Variants in IPO5 observed in about 807,000 individuals in gnomAD.
IPO5 encodes importin-5.
A neutral mutation model predicts 143.3 loss-of-function variants in IPO5; 18 were observed. The observed-to-expected ratio is 0.13, with a 90% confidence interval of 0.09 to 0.19. IPO5 has a LOEUF of 0.19. IPO5 is among the 10% of genes least tolerant of loss of function. The probability of loss-of-function intolerance (pLI) is 1.00; values close to 1 mark genes in which losing one functional copy is unlikely to be tolerated. For synonymous variants in IPO5, 477 were observed against 465.7 expected (o/e 1.02, Z -0.31); for missense variants, 1,013 against 1,336.9 (o/e 0.76, Z 3.78).
intron 13 of IPO5, among the ~76,000 whole-genome samples, chr13:98,001,259 GTTTTA>G (rs1436252741): frequency 6.6e-6 from 1 of 152,068 alleles, no homozygotes; most frequent in Non-Finnish European, 1.5e-5. Flanking sequence ...TGTTGTATGT[GTTTTA>G]TTTTCATTTG....
chr13:97,962,528 AATAG>A (rs1305705098), intron 2 of IPO5, among the ~76,000 whole-genome samples: 1 of 151,962 alleles, frequency 6.6e-6, no homozygotes, highest in Admixed American at 6.6e-5. Flanking sequence ...ACCAATAAGA[AATAG>A]ATGGATGGGC....
At chr13:97,961,205 AT>A (rs1295543778) in intron 2 of IPO5, among the ~76,000 whole-genome samples, 1 of 152,216 alleles carries the variant, frequency 6.6e-6, no homozygotes, top group Non-Finnish European at 1.5e-5. Context: ...GTTAGAAGAC[AT>A]TTTGTTTATC....
intron 20 of IPO5, 43 bp from the exon 21 acceptor site, chr13:98,012,203 G>A: frequency 1.7e-6 from 2 of 1,144,932 alleles, no homozygotes; most frequent in Non-Finnish European, 2.7e-6. Flanking sequence ...AATGCTTGAA[G>A]ACTAACATGA....
Position 98,002,947 on chromosome 13 carries a change from T to C in IPO5, c.1407T>C (p.Phe469=), listed in dbSNP as rs146283423. 114 of 1,613,786 alleles carry C rather than the reference T, an allele frequency of 7.1e-5. No homozygotes were observed. The highest frequency in any genetic ancestry group is 9.2e-5 in the Non-Finnish European group (108 of 1,179,722). The change falls in exon 16 of 29, where the codon TTT becomes TTC. Residue 469 remains phenylalanine, a synonymous_variant. Transcript: ENST00000651721. ...ATGCAGCTGCTGCCCTCATTAACTT[T>C]ACTGAAGACTGTCCCAAGTCACTAC... is the stretch of plus-strand genomic sequence containing the variant. ...QAHAAAALIN[F]TEDCPKSLLI... is the part of the protein sequence containing the mutation.
At chr13:98,004,160 A>G (rs529620184) in intron 16 of IPO5, among the ~76,000 whole-genome samples, 2 of 152,352 alleles carry the variant, frequency 1.3e-5, no homozygotes, top group South Asian at 4.1e-4. Context: ...AATAAAAGAT[A>G]AACCTGCTCT....
rs1788439601 is a variant in IPO5 at position 97,982,223 on chromosome 13, G to T, written c.91-280G>T. ...TTTGGCAATTTTTTGGCCCTCTTAG[G>T]CCTTGAGTTTTGTTAACCAGGGAGC... On this transcript the variant is annotated intron_variant, in intron 4 of 28. Coordinates refer to ENST00000651721, the MANE Select transcript of IPO5 (RefSeq NM_002271.6). 2.1e-5 allele frequency: 7 copies of T among 325,988 alleles called. No homozygotes were observed. In the South Asian group the frequency reaches 3.9e-4, roughly 18 times the overall value. The allele number at this position is 325,988 out of a possible 1,614,324, so 20.2% of individuals were successfully genotyped here.
At chr13:97,977,758 G>A (rs569434814) in intron 4 of IPO5, among the ~76,000 whole-genome samples, 4 of 152,312 alleles carry the variant, frequency 2.6e-5, no homozygotes, top group Admixed American at 2.0e-4. Context: ...TACTTCCAGG[G>A]GAGGGAGAAA....
At chr13:98,010,749 A>G (rs1246281834) in intron 20 of IPO5, among the ~76,000 whole-genome samples, 1 of 115,608 alleles carries the variant, frequency 8.6e-6, no homozygotes, top group Admixed American at 8.2e-5. Context: ...TGTTTTCTTT[A>G]TGAGCATGCG....
Position 98,009,758 on chromosome 13 carries a change from T to TA in IPO5, c.1801-122dup, listed in dbSNP as rs1889550666. On this transcript the variant is annotated intron_variant, in intron 18 of 28. Transcript: ENST00000651721. ...AGTACATAACCTTTAGAAATGCTCT[T>TA]ACTGCTTAAAGTACTGTGAACATAT... 4 of 736,218 alleles carry TA rather than the reference T, an allele frequency of 5.4e-6. No homozygotes were observed. In the East Asian group the frequency reaches 8.1e-5, roughly 15 times the overall value. 45.6% of individuals were successfully genotyped at this position (736,218 alleles called of 1,614,324 possible). A position where few individuals can be genotyped will look rare whatever the true frequency, so the allele number is the denominator to read the frequency against.
rs774476914 is a variant in IPO5 at position 97,976,689 on chromosome 13, C to G, written c.-4-4C>G. The G allele has an allele frequency of 1.5e-6, 2 of 1,364,582 alleles. No individual in the cohort carries two copies. Among genetic ancestry groups the G allele is most frequent in the African/African-American group, 1.5e-5 (1 of 64,600 alleles). The allele number at this position is 1,364,582 out of a possible 1,614,324, so 84.5% of individuals were successfully genotyped here. The stretch of plus-strand genomic sequence containing the variant: ...TCCCCTCCCTCCTTCTCTCTCACGC[C>G]TAGCGCAATGGCGGCGGCCGCGGCG... On this transcript the variant is annotated splice_region_variant and splice_polypyrimidine_tract_variant and intron_variant, in intron 3 of 28. Coordinates refer to ENST00000651721, the MANE Select transcript of IPO5 (RefSeq NM_002271.6).
At chr13:97,973,321 C>T (rs1885990037) in intron 3 of IPO5, among the ~76,000 whole-genome samples, 2 of 152,062 alleles carry the variant, frequency 1.3e-5, no homozygotes, top group Non-Finnish European at 1.5e-5. Flanking sequence ...GGATTACAGG[C>T]GTGAGCCACT....
intron 3 of IPO5, 148 bp downstream of exon 3, chr13:97,969,978 C>T (rs1885685955): frequency 6.4e-6 from 4 of 625,460 alleles, no homozygotes; most frequent in African/African-American, 1.9e-5. Context: ...GGATTACAGG[C>T]GTGAGCCATC....
chr13:97,987,776 T>C (rs555370036), intron 6 of IPO5, among the ~76,000 whole-genome samples: 8 of 152,358 alleles, frequency 5.3e-5, no homozygotes, highest in Admixed American at 1.3e-4. Context: ...GTGCTGAGAT[T>C]AGAGGCATGA....
intron 25 of IPO5, among the ~76,000 whole-genome samples, chr13:98,017,187 A>G (rs1890172538): frequency 6.6e-6 from 1 of 151,956 alleles, no homozygotes; most frequent in Non-Finnish European, 1.5e-5. Context: ...GACCATAGAT[A>G]ATTCAATTAT....
At chr13:97,972,128 G>A (rs149375018) in intron 3 of IPO5, among the ~76,000 whole-genome samples, 5 of 152,158 alleles carry the variant, frequency 3.3e-5, no homozygotes, top group Middle Eastern at 6.8e-3. Flanking sequence ...AGAGCATAGC[G>A]CTTACAACTA....
rs1887717895 is a variant in IPO5 at position 97,990,496 on chromosome 13, C to G, written c.628C>G (p.Leu210Val). ...FILANEHNVA[L>V]FKHFADLLPG... Reference sequence around the variant, plus strand: ...ACTTGCAAATGAGCATAATGTTGCTCTGTTCAAACATTTTGCAGACTTGCT... The same window carrying G: ...ACTTGCAAATGAGCATAATGTTGCTGTGTTCAAACATTTTGCAGACTTGCT... The change falls in exon 9 of 29, where the codon CTG (leucine) becomes GTG (valine). Residue 210 changes from leucine (L) to valine (V), a missense_variant. By Grantham distance (32) the Leu-to-Val change is conservative. This residue lies in a region of IPO5 where 328 missense variants were observed against 342.0 expected (regional missense o/e 0.96). Coordinates refer to ENST00000651721, the MANE Select transcript of IPO5 (RefSeq NM_002271.6). 1 of 1,606,342 alleles carries G rather than the reference C, an allele frequency of 6.2e-7. No homozygotes were observed. Among genetic ancestry groups the G allele is most frequent in the African/African-American group, 1.3e-5 (1 of 74,612 alleles).
intron 12 of IPO5, among the ~76,000 whole-genome samples, chr13:97,998,419 T>G (rs1888485496): frequency 6.6e-6 from 1 of 152,240 alleles, no homozygotes; most frequent in South Asian, 2.1e-4. Flanking sequence ...GAGACTTCCC[T>G]TAGAATAATT....
At chr13:97,985,280 G>A in intron 5 of IPO5, 141 bp from the exon 6 acceptor site, 2 of 655,928 alleles carry the variant, frequency 3.0e-6, no homozygotes, top group Non-Finnish European at 2.6e-6. Context: ...AAATAAGTCT[G>A]TATAATAGAC....
chr13:97,978,603 C>T (rs1837583039), intron 4 of IPO5, among the ~76,000 whole-genome samples: 1 of 152,088 alleles, frequency 6.6e-6, no homozygotes, highest in African/African-American at 2.4e-5. Context: ...TCTGGTAACT[C>T]TTGAGATAAT....
Sources: allele counts gnomAD v4.1 joint callset (sites outside exome capture counted in the v4.1 genomes callset), GRCh38; gene constraint gnomAD v4.1.1; regional missense constraint gnomAD v4.1.1; transcripts MANE v1.5; gene names NCBI Gene and HGNC (gene_info 2026-07-23, HGNC 2026-07-21).